The following CCDC91 variants were observed in gnomAD, a reference collection of about 807,000 sequenced individuals.
The protein encoded by CCDC91 is coiled-coil domain-containing protein 91.
In CCDC91, 48 loss-of-function variants were observed where a neutral mutation model predicts 63.2. The ratio of observed to expected loss-of-function variants is 0.76; its 90% CI spans 0.60 to 0.97. The LOEUF is 0.97. CCDC91 is among the 50% of genes least tolerant of loss of function. The probability of loss-of-function intolerance (pLI) is 0.00; values close to 1 mark genes in which losing one functional copy is unlikely to be tolerated. For missense variants in CCDC91, 500 were observed against 494.6 expected (o/e 1.01, Z -0.10); for synonymous variants, 167 against 165.8 (o/e 1.01, Z -0.06).
In CCDC91 at chr12:28,306,856, A is replaced by C. The variant is rs1312081767; in HGVS notation, c.382A>C (p.Asn128His). ...LVDDSEDPGA[N>H]VSNIQLQQKI... The stretch of plus-strand genomic sequence containing the variant: ...GGATGATTCTGAGGATCCTGGAGCC[A>C]ATGTATCTAACATACAGCTTCAGCA... Residue 128 changes from asparagine (N) to histidine (H), a missense_variant, in exon 5 of 13, where the codon AAT (asparagine) becomes CAT (histidine). Coordinates refer to ENST00000536442, the MANE Select transcript of CCDC91 (RefSeq NM_018318.5). 1.2e-6 allele frequency: 2 copies of C among 1,612,182 alleles called. No homozygotes were observed. The highest frequency in any genetic ancestry group is 1.7e-6 in the Non-Finnish European group (2 of 1,178,606).
At chr12:28,249,609 A>G (rs1268531408) in intron 1 of CCDC91, among the ~76,000 whole-genome samples, 1 of 152,212 alleles carries the variant, frequency 6.6e-6, no homozygotes, top group African/African-American at 2.4e-5. Flanking sequence ...GAAGGCACCA[A>G]GTTCCCAGTA....
intron 11 of CCDC91, among the ~76,000 whole-genome samples, chr12:28,462,179 C>A (rs1950338894): frequency 6.6e-6 from 1 of 151,862 alleles, no homozygotes; most frequent in Admixed American, 6.6e-5. Context: ...GTGAAGCTGG[C>A]ATTTTGGATG....
chr12:28,195,363 AT>A, intron 1 of CCDC91, among the ~76,000 whole-genome samples: 1 of 152,310 alleles, frequency 6.6e-6, no homozygotes, highest in Non-Finnish European at 1.5e-5. Context: ...TGATTGGTGC[AT>A]TTACAATCCT....
chr12:28,546,577 G>A (rs1943002737), intron 12 of CCDC91, among the ~76,000 whole-genome samples: 1 of 151,974 alleles, frequency 6.6e-6, no homozygotes, highest in Non-Finnish European at 1.5e-5. Flanking sequence ...AGCTATACTA[G>A]CACGTGTATA....
At chr12:28,315,632 C>G (rs968004898) in intron 6 of CCDC91, among the ~76,000 whole-genome samples, 1 of 151,926 alleles carries the variant, frequency 6.6e-6, no homozygotes, top group Non-Finnish European at 1.5e-5. Context: ...ATTATACTTT[C>G]CAGGAAAGTT....
At chr12:28,317,139 G>A (rs964046730) in intron 6 of CCDC91, among the ~76,000 whole-genome samples, 8 of 151,832 alleles carry the variant, frequency 5.3e-5, no homozygotes, top group African/African-American at 9.7e-5. Context: ...TGCCATACAC[G>A]TTTTGGGACT....
intron 8 of CCDC91, among the ~76,000 whole-genome samples, chr12:28,431,529 T>A (rs1466938036): frequency 1.3e-5 from 2 of 152,152 alleles, no homozygotes; most frequent in African/African-American, 4.8e-5. Flanking sequence ...GTTACAGTTT[T>A]CCTAATACCT....
chr12:28,462,085 A>G (rs1950335290), intron 11 of CCDC91, among the ~76,000 whole-genome samples: 1 of 152,044 alleles, frequency 6.6e-6, no homozygotes, highest in African/African-American at 2.4e-5. Context: ...TAATGCAGCA[A>G]TACTTGAGTT....
chr12:28,403,809 A>G (rs1313285811), intron 8 of CCDC91, among the ~76,000 whole-genome samples: 2 of 152,152 alleles, frequency 1.3e-5, no homozygotes, highest in Non-Finnish European at 2.9e-5. Context: ...ATTTGTAGGC[A>G]TACAGTTGTC....
At chr12:28,437,474 T>C (rs1380963087) in intron 8 of CCDC91, among the ~76,000 whole-genome samples, 1 of 152,086 alleles carries the variant, frequency 6.6e-6, no homozygotes, top group Admixed American at 6.6e-5. Context: ...TTAATAACCT[T>C]TCGTGATATA....
chr12:28,294,237 T>C (rs1238741150), intron 3 of CCDC91, among the ~76,000 whole-genome samples: 2 of 152,160 alleles, frequency 1.3e-5, no homozygotes, highest in Non-Finnish European at 2.9e-5. Context: ...CTCTCCGCTT[T>C]TTTCATTTCA....
intron 11 of CCDC91, among the ~76,000 whole-genome samples, chr12:28,465,200 A>C (rs1323510841): frequency 6.6e-6 from 1 of 152,140 alleles, no homozygotes; most frequent in Non-Finnish European, 1.5e-5. Flanking sequence ...AGTGTAATGG[A>C]ACACCAGGTA....
intron 1 of CCDC91, among the ~76,000 whole-genome samples, chr12:28,239,057 T>C (rs1945154999): frequency 6.6e-6 from 1 of 151,218 alleles, no homozygotes; most frequent in African/African-American, 2.4e-5. Context: ...GAGGCGGAGG[T>C]TGCAGTGAGC....
intron 12 of CCDC91, among the ~76,000 whole-genome samples, chr12:28,527,416 G>A (rs1941354802): frequency 6.6e-6 from 1 of 152,256 alleles, no homozygotes; most frequent in South Asian, 2.1e-4. Context: ...CTCTGGGCTA[G>A]TACTGGAGGT....
At chr12:28,339,406 G>GT (rs1264352178) in intron 6 of CCDC91, among the ~76,000 whole-genome samples, 2 of 152,010 alleles carry the variant, frequency 1.3e-5, no homozygotes, top group Non-Finnish European at 2.9e-5. Flanking sequence ...GGCATTAGGG[G>GT]TTTGGGGCTG....
intron 7 of CCDC91, among the ~76,000 whole-genome samples, chr12:28,368,025 C>T (rs959017597): frequency 1.3e-5 from 2 of 152,164 alleles, no homozygotes; most frequent in African/African-American, 4.8e-5. Context: ...ACTTGATAGC[C>T]TGCATAATCA....
chr12:28,366,414 GAAAACTATTAGATA>G (rs1428667839), intron 7 of CCDC91, among the ~76,000 whole-genome samples: 1 of 152,176 alleles, frequency 6.6e-6, no homozygotes, highest in East Asian at 1.9e-4. Flanking sequence ...TAGTAAGACA[GAAAACTATTAGATA>G]ATACCCATTC....
rs574465849 is a variant in CCDC91, at chr12:28,512,960, C to G, written c.1215+28795C>G. On this transcript the variant is annotated intron_variant, in intron 12 of 12. Transcript: ENST00000536442. ...TCCCTCATGCTGTACTTCTTTAAGTCTCAGCTATGCTGTAAAATTAAAAGA... is the reference window on the plus strand; with the variant it reads ...TCCCTCATGCTGTACTTCTTTAAGTGTCAGCTATGCTGTAAAATTAAAAGA... Among the ~76,000 whole-genome samples the G allele has an allele frequency of 4.6e-5, 7 of 151,936 alleles. No homozygotes were observed. In the South Asian group the frequency reaches 1.5e-3, roughly 31 times the overall value.
In CCDC91 at chr12:28,458,455, C is replaced by CTTTTTTTTTTTTTT. The variant is rs60083355; in HGVS notation, c.1101+5820_1101+5833dup. Reference sequence around the variant, plus strand: ...TTCCCTTTTGTCCTCATTTGCACACCTTTTTTTTTTTTTTTTTTTTTTTTT... The same window carrying CTTTTTTTTTTTTTT: ...TTCCCTTTTGTCCTCATTTGCACACCTTTTTTTTTTTTTTTTTTTTTTTTTTTTTTTTTTTTTTT... On this transcript the variant is annotated intron_variant, in intron 11 of 12. Transcript: ENST00000536442. 3.1e-4 allele frequency among the ~76,000 whole-genome samples: 14 copies of CTTTTTTTTTTTTTT among 45,806 alleles called. 4 individuals carry two copies. The highest frequency in any genetic ancestry group is 1.4e-3 in the African/African-American group (13 of 9,074). 30.1% of individuals were successfully genotyped at this position (45,806 alleles called of 152,430 possible). A position where few individuals can be genotyped will look rare whatever the true frequency, so the allele number is the denominator to read the frequency against.
Sources: allele counts gnomAD v4.1 joint callset (sites outside exome capture counted in the v4.1 genomes callset), GRCh38; gene constraint gnomAD v4.1.1; transcripts MANE v1.5; gene names NCBI Gene and HGNC (gene_info 2026-07-23, HGNC 2026-07-21).